RIMS2: variants seen among roughly 807,000 people sequenced by gnomAD.
RIMS2 encodes the protein regulating synaptic membrane exocytosis 2.
A neutral mutation model predicts 174.4 loss-of-function variants in RIMS2; 59 were observed. The observed-to-expected ratio is 0.34, with a 90% CI of 0.27 to 0.42. The LOEUF is 0.42. Ranked by LOEUF, RIMS2 falls within the 10% of genes least tolerant of loss-of-function variation. The pLI is 1.00. For missense variants in RIMS2, 1,620 were observed against 1,666.3 expected (o/e 0.97, Z 0.48); for synonymous variants, 606 against 572.5 (o/e 1.06, Z -0.84).
At chr8:103,939,373 T>C (rs561568662) in intron 13 of RIMS2, among the ~76,000 whole-genome samples, 3 of 152,314 alleles carry the variant, frequency 2.0e-5, no homozygotes, top group Admixed American at 2.0e-4. Flanking sequence ...GCCCAAGCTG[T>C]AGCTTGGCTC....
intron 1 of RIMS2, among the ~76,000 whole-genome samples, chr8:103,607,162 G>T (rs1221146759): frequency 4.6e-5 from 7 of 152,064 alleles, no homozygotes; most frequent in Non-Finnish European, 1.0e-4. Flanking sequence ...TCCATGTGTA[G>T]TGCTTCCTTC....
chr8:104,208,337 G>A (rs555947311), intron 19 of RIMS2, among the ~76,000 whole-genome samples: 3 of 152,160 alleles, frequency 2.0e-5, no homozygotes, highest in South Asian at 4.1e-4. Flanking sequence ...GGAGGCCGAG[G>A]GGGGCAGATC....
intron 19 of RIMS2, among the ~76,000 whole-genome samples, chr8:104,106,525 T>C (rs2131440183): frequency 6.6e-6 from 1 of 152,286 alleles, no homozygotes; most frequent in South Asian, 2.1e-4. Context: ...TTCTATTAAC[T>C]TGTCTGCTAT....
intron 2 of RIMS2, among the ~76,000 whole-genome samples, chr8:103,764,890 T>C (rs1740290253): frequency 1.3e-5 from 2 of 151,996 alleles, no homozygotes; most frequent in African/African-American, 2.4e-5. Context: ...TCAAATTTAA[T>C]TGGGGAGAAA....
At chr8:103,933,150 A>G (rs1437025596) in intron 12 of RIMS2, among the ~76,000 whole-genome samples, 3 of 152,080 alleles carry the variant, frequency 2.0e-5, no homozygotes, top group Non-Finnish European at 2.9e-5. Flanking sequence ...AAAGTTAGCC[A>G]GGCGTGGTGG....
intron 8 of RIMS2, among the ~76,000 whole-genome samples, chr8:103,916,757 G>T (rs756792728): frequency 6.6e-5 from 10 of 152,004 alleles, no homozygotes; most frequent in Admixed American, 1.3e-4. Context: ...AAAAGAAGAA[G>T]AAATATTTAG....
At chr8:104,067,026 T>A (rs1220595052) in intron 19 of RIMS2, among the ~76,000 whole-genome samples, 3 of 152,188 alleles carry the variant, frequency 2.0e-5, no homozygotes, top group Non-Finnish European at 4.4e-5. Context: ...ATTAAAAATT[T>A]AAAAATATTG....
chr8:103,878,877 A>G (rs1218435812), intron 3 of RIMS2, among the ~76,000 whole-genome samples: 1 of 149,890 alleles, frequency 6.7e-6, no homozygotes, highest in Admixed American at 6.7e-5. Context: ...TTAATTTAGC[A>G]TCTGATTCAC....
At chr8:103,617,648 TA>T (rs2095536833) in intron 1 of RIMS2, among the ~76,000 whole-genome samples, 1 of 152,012 alleles carries the variant, frequency 6.6e-6, no homozygotes, top group Admixed American at 6.6e-5. Flanking sequence ...CAAGGAACTT[TA>T]ACAAATTTAT....
At chr8:103,824,007 AAC>A (rs1262920312) in intron 3 of RIMS2, among the ~76,000 whole-genome samples, 1 of 152,086 alleles carries the variant, frequency 6.6e-6, no homozygotes, top group Non-Finnish European at 1.5e-5. Flanking sequence ...AAAAGCTTAT[AAC>A]ACAATTAATT....
At chr8:103,820,205 A>G (rs1302996635) in intron 3 of RIMS2, among the ~76,000 whole-genome samples, 3 of 152,112 alleles carry the variant, frequency 2.0e-5, no homozygotes, top group South Asian at 2.1e-4. Context: ...TCATTTTTCT[A>G]TGGTGAAGGC....
intron 1 of RIMS2, among the ~76,000 whole-genome samples, chr8:103,628,417 C>T (rs11786899): frequency 0.18 from 27,216 of 149,912 alleles, 2,723 homozygotes; most frequent in African/African-American, 0.26. Flanking sequence ...TACAATGGCA[C>T]GATCTCAGCT....
intron 3 of RIMS2, among the ~76,000 whole-genome samples, chr8:103,782,288 G>T (rs111383450): frequency 6.6e-6 from 1 of 151,768 alleles, no homozygotes; most frequent in South Asian, 2.1e-4. Context: ...GCATATGTTG[G>T]AAATCTTTCT....
At chr8:103,687,149 A>G (rs894486456) in intron 1 of RIMS2, among the ~76,000 whole-genome samples, 1 of 151,944 alleles carries the variant, frequency 6.6e-6, no homozygotes, top group Non-Finnish European at 1.5e-5. Context: ...TTGTCAAGCT[A>G]TCTTTTTTTT....
downstream of RIMS2, chr8:104,251,990 C>G: frequency 1.7e-6 from 1 of 603,342 alleles, no homozygotes; most frequent in Non-Finnish European, 2.9e-6. Context: ...ACATTGTGCC[C>G]TAAAGAAGGC....
chr8:103,811,424 C>G (rs1203992983), intron 3 of RIMS2, among the ~76,000 whole-genome samples: 1 of 151,964 alleles, frequency 6.6e-6, no homozygotes, highest in East Asian at 1.9e-4. Flanking sequence ...CTGTTGCCAG[C>G]TTTTATTTTT....
At chr8:103,864,133 T>A (rs567476151) in intron 3 of RIMS2, among the ~76,000 whole-genome samples, 1 of 152,240 alleles carries the variant, frequency 6.6e-6, no homozygotes, top group South Asian at 2.1e-4. Flanking sequence ...GAGAACCAAC[T>A]TTCATATTAC....
chr8:104,189,140 C>G (rs967363702), intron 19 of RIMS2, among the ~76,000 whole-genome samples: 3 of 151,836 alleles, frequency 2.0e-5, no homozygotes, highest in Non-Finnish European at 4.4e-5. Flanking sequence ...CAATAAGCAG[C>G]CAGACTTTTC....
chr8:103,931,428 A>G lies in RIMS2; in HGVS notation c.2375+35A>G, dbSNP rs368269801. On this transcript the variant is annotated intron_variant, in intron 12 of 23. Transcript: ENST00000504942. The stretch of plus-strand genomic sequence containing the variant: ...TAAAACAAAATAAATGTTCTGGAAA[A>G]TAAATGAGAAAATGTTCATAGCAAT... 9 of 1,458,568 alleles carry G rather than the reference A, an allele frequency of 6.2e-6. No individual in the cohort carries two copies. In the African/African-American group the frequency reaches 1.3e-4, roughly 21 times the overall value. The allele number at this position is 1,458,568 out of a possible 1,614,324, so 90.4% of individuals were successfully genotyped here.
Sources: allele counts gnomAD v4.1 joint callset (sites outside exome capture counted in the v4.1 genomes callset), GRCh38; gene constraint gnomAD v4.1.1; transcripts MANE v1.5; gene names NCBI Gene and HGNC (gene_info 2026-07-23, HGNC 2026-07-21).